Variants in ALB observed in about 807,000 individuals in gnomAD.
ALB encodes albumin, also known as serum albumin.
In ALB, 37 loss-of-function variants were observed where a neutral mutation model predicts 74.5. The ratio of observed to expected loss-of-function variants is 0.50; its 90% CI spans 0.38 to 0.65. ALB has a LOEUF of 0.65. Ranked by LOEUF, ALB falls within the 30% of genes least tolerant of loss-of-function variation. ALB has a pLI of 0.00. For synonymous variants in ALB, 249 were observed against 251.6 expected (o/e 0.99, Z 0.10); for missense variants, 685 against 718.7 (o/e 0.95, Z 0.54).
chr4:73,415,241 G>T, intron 9 of ALB, 74 bp downstream of exon 9: 1 of 1,548,696 alleles, frequency 6.5e-7, no homozygotes, highest in Non-Finnish European at 8.9e-7. Flanking sequence ...AATAATGCAA[G>T]AATGTAAAAT....
chr4:73,412,136 G>T lies in ALB; in HGVS notation c.843+11G>T. 1 of 1,613,862 alleles carries T rather than the reference G, an allele frequency of 6.2e-7. No individual in the cohort carries two copies. Among genetic ancestry groups the T allele is most frequent in the South Asian group, 1.1e-5 (1 of 91,076 alleles). On this transcript the variant is annotated intron_variant, in intron 7 of 14. Transcript: ENST00000295897. ...TGTGCTGATGACAGGGTAAAGAGTC[G>T]TCGATATGCTTTTTGGTAGCTTGCA...
chr4:73,411,240 GA>G (rs34313532), intron 6 of ALB, among the ~76,000 whole-genome samples: 14 of 151,660 alleles, frequency 9.2e-5, no homozygotes, highest in Non-Finnish European at 1.5e-4. Context: ...CCAAATTTAT[GA>G]AAAAAAACAG....
In ALB at chr4:73,415,095, TG is replaced by T. The variant is rs764429360; in HGVS notation, c.1120del (p.Ala374ProfsTer8). 1 of 1,614,154 alleles carries T rather than the reference TG, an allele frequency of 6.2e-7. No individual in the cohort carries two copies. Among genetic ancestry groups the T allele is most frequent in the South Asian group, 1.1e-5 (1 of 91,090 alleles). ...ACTCTGTCGTGCTGCTGCTGAGACT[TG>T]CCAAGACATATGAAACCACTCTAGA... ...DYSVVLLLRL[A>X]KTYETTLEKC... On this transcript the variant is annotated frameshift_variant, in exon 9 of 15. Transcript: ENST00000295897. LOFTEE classifies it high-confidence loss of function.
At chr4:73,410,280 T>G (rs751162736) in intron 5 of ALB, 32 bp from the exon 6 acceptor site, 1 of 1,569,828 alleles carries the variant, frequency 6.4e-7, no homozygotes, top group East Asian at 2.2e-5. Flanking sequence ...GAATTTTTCT[T>G]CTAATTTTCA....
rs1478873715 is a variant in ALB, at chr4:73,418,239, A to T, written c.1580A>T (p.Asn527Ile). 5 of 1,614,016 alleles carry T rather than the reference A, an allele frequency of 3.1e-6. No homozygotes were observed. In the African/African-American group the frequency reaches 6.7e-5, roughly 22 times the overall value. Residue 527 changes from asparagine (N) to isoleucine (I), a missense_variant, in exon 12 of 15, where the codon AAT becomes ATT. By Grantham distance (149) the Asn-to-Ile change is moderately radical (BLOSUM62 -3). Transcript: ENST00000295897. The part of the protein sequence containing the change: ...VDETYVPKEF[N>I]AETFTFHADI... ...GAAACATACGTTCCCAAAGAGTTTAATGCTGAAACATTCACCTTCCATGCA... is the reference window on the plus strand; with the variant it reads ...GAAACATACGTTCCCAAAGAGTTTATTGCTGAAACATTCACCTTCCATGCA...
chr4:73,409,999 T>C (rs989836581), intron 5 of ALB, among the ~76,000 whole-genome samples: 2 of 152,110 alleles, frequency 1.3e-5, no homozygotes, highest in Non-Finnish European at 2.9e-5. Context: ...ATTTAAAAAT[T>C]AGCAAAATTG....
chr4:73,414,667 C>G (rs1177750061), intron 8 of ALB, among the ~76,000 whole-genome samples: 1 of 152,142 alleles, frequency 6.6e-6, no homozygotes, highest in African/African-American at 2.4e-5. Flanking sequence ...GTTGGTCAGA[C>G]TGGTCTCAAA....
chr4:73,406,819 T>G, intron 3 of ALB, 58 bp downstream of exon 3: 1 of 1,598,050 alleles, frequency 6.3e-7, no homozygotes, highest in Admixed American at 1.7e-5. Flanking sequence ...CCCAAGCATT[T>G]CAAAGGAATT....
chr4:73,408,869 T>A lies in ALB; in HGVS notation c.482+64T>A, dbSNP rs1041733715. 81 of 1,318,450 alleles carry A rather than the reference T, an allele frequency of 6.1e-5. No individual in the cohort carries two copies. The African/African-American group carries it at 1.0e-3, about 17-fold the overall frequency. The allele number at this position is 1,318,450 out of a possible 1,614,324, so 81.7% of individuals were successfully genotyped here. ...ATGGAGTAACTCCATAGGCCAACAC[T>A]CTATAAAAATTACCATAACAAAAAT... is the stretch of plus-strand genomic sequence containing the variant. On this transcript the variant is annotated intron_variant, in intron 4 of 14. Coordinates refer to ENST00000295897, the MANE Select transcript of ALB (RefSeq NM_000477.7).
rs1719132920 is a variant in ALB, at chr4:73,421,229, CAATTAATAAA to C, written c.*164_*173del. Reference sequence around the variant, plus strand: ...CATTTTGCCTCTTTTCTCTGTGCTTCAATTAATAAAAAATGGAAAGAATCTAATAGAGTGG... The same window carrying C: ...CATTTTGCCTCTTTTCTCTGTGCTTCAAATGGAAAGAATCTAATAGAGTGG... On this transcript the variant is annotated 3_prime_UTR_variant, in exon 15 of 15. Coordinates refer to ENST00000295897, the MANE Select transcript of ALB (RefSeq NM_000477.7). 5 of 606,342 alleles carry C rather than the reference CAATTAATAAA, an allele frequency of 8.2e-6. No homozygotes were observed. The highest frequency in any genetic ancestry group is 3.3e-4 in the Middle Eastern group (1 of 3,046). 37.6% of individuals were successfully genotyped at this position (606,342 alleles called of 1,614,324 possible). A position where few individuals can be genotyped will look rare whatever the true frequency, so the allele number is the denominator to read the frequency against.
At chr4:73,404,557 CTTA>C in intron 1 of ALB, 151 bp downstream of exon 1, 1 of 631,746 alleles carries the variant, frequency 1.6e-6, no homozygotes, top group East Asian at 3.1e-5. Flanking sequence ...ACAAGGTTAT[CTTA>C]TTAATAAAAT....
chr4:73,409,065 T>G, intron 4 of ALB: 1 of 578,188 alleles, frequency 1.7e-6, no homozygotes, highest in Non-Finnish European at 3.1e-6. Context: ...ATTTAATGTA[T>G]TACGAAGATA....
Position 73,419,564 on chromosome 4 carries a change from T to C in ALB, c.1710T>C (p.Ala570=). 2 of 1,613,926 alleles carry C rather than the reference T, an allele frequency of 1.2e-6. No homozygotes were observed. Among genetic ancestry groups the C allele is most frequent in the Non-Finnish European group, 1.7e-6 (2 of 1,179,930 alleles). ...KPKATKEQLK[A]VMDDFAAFVE... is the part of the protein sequence containing the mutation. ...AGGCAACAAAAGAGCAACTGAAAGCTGTTATGGATGATTTCGCAGCTTTTG... is the reference window on the plus strand; with the variant it reads ...AGGCAACAAAAGAGCAACTGAAAGCCGTTATGGATGATTTCGCAGCTTTTG... Residue 570 remains alanine, a synonymous_variant, in exon 13 of 15, where the codon GCT becomes GCC. Coordinates refer to ENST00000295897, the MANE Select transcript of ALB (RefSeq NM_000477.7).
At position 73,408,614 on chromosome 4, in the gene ALB, A is replaced by G. The variant is rs1286191919; in HGVS notation, c.291A>G (p.Lys97=). 1 of 1,613,996 alleles carries G rather than the reference A, an allele frequency of 6.2e-7. No individual in the cohort carries two copies. The highest frequency in any genetic ancestry group is 1.1e-5 in the South Asian group (1 of 91,064). The change falls in exon 4 of 15, where the codon AAA becomes AAG. Residue 97 remains lysine, a synonymous_variant. Coordinates refer to ENST00000295897, the MANE Select transcript of ALB (RefSeq NM_000477.7). Reference sequence around the variant, plus strand: ...TTTAGCATACCCTTTTTGGAGACAAATTATGCACAGTTGCAACTCTTCGTG... The same window carrying G: ...TTTAGCATACCCTTTTTGGAGACAAGTTATGCACAGTTGCAACTCTTCGTG... ...DKSLHTLFGD[K]LCTVATLRET...
chr4:73,415,472 A>G, intron 9 of ALB: 1 of 315,664 alleles, frequency 3.2e-6, no homozygotes, highest in Non-Finnish European at 6.0e-6. Context: ...GAAGATATTT[A>G]ACTTAGATGT....
intron 9 of ALB, chr4:73,415,370 T>C (rs1718987514): frequency 4.9e-6 from 3 of 616,644 alleles, no homozygotes; most frequent in African/African-American, 1.9e-5. Context: ...AATAGAAAGA[T>C]CTGAATAGAG....
intron 12 of ALB, among the ~76,000 whole-genome samples, chr4:73,419,098 A>AT (rs1719085267): frequency 6.6e-6 from 1 of 152,178 alleles, no homozygotes; most frequent in African/African-American, 2.4e-5. Context: ...GTCCAAGATA[A>AT]TTAAATTTTT....
rs764468579 is a variant in ALB, at chr4:73,415,077, C to T, written c.1101C>T (p.Val367=). 4.3e-6 allele frequency: 7 copies of T among 1,613,972 alleles called. No individual in the cohort carries two copies. Among genetic ancestry groups the T allele is most frequent in the South Asian group, 2.2e-5 (2 of 91,074 alleles). The change falls in exon 9 of 15, where the codon GTC becomes GTT. Residue 367 remains valine (V), a synonymous_variant. Transcript: ENST00000295897. ...EYARRHPDYS[V]VLLLRLAKTY... is the part of the protein sequence containing the mutation. ...CAAGAAGGCATCCTGATTACTCTGT[C>T]GTGCTGCTGCTGAGACTTGCCAAGA...
chr4:73,421,031 AG>A (rs1381562144), intron 14 of ALB, 60 bp from the exon 15 acceptor site: 5 of 659,028 alleles, frequency 7.6e-6, no homozygotes, highest in Non-Finnish European at 1.4e-5. Context: ...TTATTTTAAT[AG>A]GTTTGAAAAA....
Sources: allele counts gnomAD v4.1 joint callset (sites outside exome capture counted in the v4.1 genomes callset), GRCh38; gene constraint gnomAD v4.1.1; transcripts MANE v1.5; gene names NCBI Gene and HGNC (gene_info 2026-07-23, HGNC 2026-07-21).